Variants in PDE1A observed in about 807,000 individuals in gnomAD.
PDE1A encodes dual specificity calcium/calmodulin-dependent 3',5'-cyclic nucleotide phosphodiesterase 1A.
A neutral mutation model predicts 61.7 loss-of-function variants in PDE1A; 35 were observed. The ratio of observed to expected loss-of-function variants is 0.57; its 90% CI spans 0.43 to 0.75. The LOEUF (loss-of-function observed/expected upper bound fraction) is 0.75, where lower values mean the gene tolerates loss of function less well. Ranked by LOEUF, PDE1A falls within the 30% of genes least tolerant of loss-of-function variation. The pLI, the probability that PDE1A is intolerant of heterozygous loss-of-function variation, is 0.00. For synonymous variants in PDE1A, 232 were observed against 213.2 expected (o/e 1.09, Z -0.77); for missense variants, 597 against 630.6 (o/e 0.95, Z 0.57).
At chr2:182,655,907 G>C in the PDE1A span, among the ~76,000 whole-genome samples, 1 of 152,144 alleles carries the variant, frequency 6.6e-6, no homozygotes, top group Admixed American at 6.6e-5. Context: ...TTAAATTCCA[G>C]TCCCAATCTA....
At chr2:182,378,595 T>C (rs1312629296) in intron 1 of PDE1A, among the ~76,000 whole-genome samples, 2 of 152,206 alleles carry the variant, frequency 1.3e-5, no homozygotes, top group East Asian at 1.9e-4. Flanking sequence ...TTAGCTGTGA[T>C]ACAAATAATT....
intron 2 of PDE1A, among the ~76,000 whole-genome samples, chr2:182,244,264 G>A (rs1431935657): frequency 6.6e-6 from 1 of 151,990 alleles, no homozygotes; most frequent in African/African-American, 2.4e-5. Flanking sequence ...GCCTATCAGA[G>A]ATCTCTTTTA....
chr2:182,672,664 G>A, the PDE1A span, among the ~76,000 whole-genome samples: 2 of 152,204 alleles, frequency 1.3e-5, no homozygotes, highest in Non-Finnish European at 2.9e-5. Flanking sequence ...GGAGCACATT[G>A]ACCAGCCGTT....
At chr2:182,627,148 A>C in the PDE1A span, among the ~76,000 whole-genome samples, 5 of 76,708 alleles carry the variant, frequency 6.5e-5, no homozygotes, top group African/African-American at 1.1e-4. Context: ...TATAAATATT[A>C]TTTATATATA....
chr2:182,363,349 T>C (rs546130047), intron 1 of PDE1A, among the ~76,000 whole-genome samples: 2 of 151,976 alleles, frequency 1.3e-5, no homozygotes, highest in South Asian at 4.2e-4. Flanking sequence ...TACGTTCTAC[T>C]GGAGGAGAAA....
At chr2:182,416,250 C>T (rs1702912157) in intron 1 of PDE1A, among the ~76,000 whole-genome samples, 1 of 152,176 alleles carries the variant, frequency 6.6e-6, no homozygotes, top group Admixed American at 6.5e-5. Context: ...CTATTTCTCA[C>T]TAAGTGTGAA....
chr2:182,695,320 C>T, the PDE1A span, among the ~76,000 whole-genome samples: 7 of 152,012 alleles, frequency 4.6e-5, no homozygotes, highest in Non-Finnish European at 7.4e-5. Flanking sequence ...AAACATCAAG[C>T]AGAAACTTTC....
chr2:182,413,553 A>T (rs1702743128), intron 1 of PDE1A, among the ~76,000 whole-genome samples: 1 of 152,302 alleles, frequency 6.6e-6, no homozygotes, highest in South Asian at 2.1e-4. Context: ...AGTACAGGGA[A>T]GTGTTTTATG....
chr2:182,377,369 T>C (rs1179728317), intron 1 of PDE1A, among the ~76,000 whole-genome samples: 1 of 152,202 alleles, frequency 6.6e-6, no homozygotes, highest in East Asian at 1.9e-4. Flanking sequence ...CTTTACCTTC[T>C]GACATGATTC....
intron 13 of PDE1A, among the ~76,000 whole-genome samples, chr2:182,150,587 A>G (rs1024276535): frequency 6.6e-6 from 1 of 152,250 alleles, no homozygotes; most frequent in African/African-American, 2.4e-5. Flanking sequence ...AATTCTGTTC[A>G]GTTCAAAGAG....
the PDE1A span, among the ~76,000 whole-genome samples, chr2:182,614,577 A>C: frequency 8.0e-6 from 1 of 125,042 alleles, no homozygotes; most frequent in Non-Finnish European, 1.6e-5. Context: ...TTTTTTTGAG[A>C]CAGAGTCTCA....
the PDE1A span, among the ~76,000 whole-genome samples, chr2:182,565,493 G>A: frequency 4.6e-5 from 7 of 152,176 alleles, no homozygotes; most frequent in East Asian, 1.9e-4. Context: ...TAGGCTGCTC[G>A]GGGGTCAGGG....
At chr2:182,184,847 G>C (rs1685074357) in intron 13 of PDE1A, among the ~76,000 whole-genome samples, 1 of 152,034 alleles carries the variant, frequency 6.6e-6, no homozygotes, top group Non-Finnish European at 1.5e-5. Flanking sequence ...TATGGCAAGT[G>C]CTCCCACTTT....
chr2:182,421,414 T>C (rs1703272083), intron 1 of PDE1A, among the ~76,000 whole-genome samples: 1 of 152,208 alleles, frequency 6.6e-6, no homozygotes, highest in East Asian at 1.9e-4. Flanking sequence ...GTAGATTTAA[T>C]ACTGCCTCAT....
chr2:182,470,243 T>C (rs1686942881), intron 2 of PDE1A, among the ~76,000 whole-genome samples: 1 of 151,818 alleles, frequency 6.6e-6, no homozygotes, highest in African/African-American at 2.4e-5. Context: ...AGTGAAAGAA[T>C]TTGACAAAAT....
intron 2 of PDE1A, among the ~76,000 whole-genome samples, chr2:182,252,406 G>T (rs1691465012): frequency 6.6e-6 from 1 of 152,134 alleles, no homozygotes; most frequent in African/African-American, 2.4e-5. Flanking sequence ...GACTCAAGTT[G>T]TAAATGACAC....
chr2:182,222,322 AT>A (rs1423714187), intron 7 of PDE1A, among the ~76,000 whole-genome samples: 15 of 152,004 alleles, frequency 9.9e-5, no homozygotes, highest in African/African-American at 3.4e-4. Context: ...TTTCAGCTCT[AT>A]GACATTTTGG....
chr2:182,650,833 T>C, the PDE1A span, among the ~76,000 whole-genome samples: 1 of 152,244 alleles, frequency 6.6e-6, no homozygotes, highest in Non-Finnish European at 1.5e-5. Context: ...TGCTCCATGC[T>C]GACAACTGAT....
At chr2:182,493,992 T>C (rs1688558071) in intron 2 of PDE1A, among the ~76,000 whole-genome samples, 1 of 152,210 alleles carries the variant, frequency 6.6e-6, no homozygotes, top group African/African-American at 2.4e-5. Flanking sequence ...AAATTCCAGA[T>C]CATGGCATGT....
Sources: gnomAD v4.1 joint callset for allele counts (sites outside exome capture counted in the v4.1 genomes callset) on GRCh38, gnomAD v4.1.1 for gene constraint, MANE v1.5 for transcripts, NCBI Gene and HGNC (gene_info 2026-07-23, HGNC 2026-07-21) for gene names.